SNX29: variants seen among roughly 807,000 people sequenced by gnomAD.
SNX29 encodes sorting nexin 29.
SNX29 carries 78 observed loss-of-function variants against 102.1 expected under a neutral mutation model. That is an observed-to-expected ratio of 0.76 (90% CI 0.64 to 0.92). SNX29 has a LOEUF of 0.92. Among genes scored for constraint, SNX29 ranks in the 40% least tolerant of loss-of-function variants. The pLI, the probability that SNX29 is intolerant of heterozygous loss-of-function variation, is 0.00. For missense variants in SNX29, 1,280 were observed against 1,061.7 expected, an observed-to-expected ratio of 1.21 and a Z score of -2.86; for synonymous variants, 580 against 414.5, an observed-to-expected ratio of 1.40 and a Z score of -4.85.
intron 13 of SNX29, among the ~76,000 whole-genome samples, chr16:12,148,085 G>C (rs1416565769): frequency 6.6e-6 from 1 of 152,168 alleles, no homozygotes; most frequent in African/African-American, 2.4e-5. Flanking sequence ...CTGCTGCTCA[G>C]CTCCAGCCAC....
At chr16:12,146,977 A>T (rs188630163) in intron 13 of SNX29, among the ~76,000 whole-genome samples, 225 of 152,342 alleles carry the variant, frequency 1.5e-3, no homozygotes, top group African/African-American at 4.7e-3. Context: ...GCTTGGTGGC[A>T]TCTCAGAGCA....
At chr16:12,471,539 G>A (rs750769596) in intron 18 of SNX29, among the ~76,000 whole-genome samples, 12 of 152,130 alleles carry the variant, frequency 7.9e-5, no homozygotes, top group Admixed American at 7.2e-4. Context: ...GCTCCCTCCC[G>A]ATGCTGACGT....
chr16:12,077,489 C>T (rs2051637039), intron 10 of SNX29, among the ~76,000 whole-genome samples: 1 of 150,138 alleles, frequency 6.7e-6, no homozygotes. Context: ...CTTTATTTTT[C>T]ATGTTGTAAA....
chr16:12,324,958 T>C (rs747408492), intron 15 of SNX29, among the ~76,000 whole-genome samples: 2 of 152,186 alleles, frequency 1.3e-5, no homozygotes, highest in Non-Finnish European at 2.9e-5. Flanking sequence ...GTGGCTTTAC[T>C]CAGGAGGGTT....
intron 18 of SNX29, among the ~76,000 whole-genome samples, chr16:12,416,434 A>T (rs1222851795): frequency 6.6e-6 from 1 of 152,190 alleles, no homozygotes; most frequent in Non-Finnish European, 1.5e-5. Context: ...TGTTTCCACC[A>T]CAAAGAAATG....
At chr16:12,246,919 C>T (rs1483786208) in intron 14 of SNX29, among the ~76,000 whole-genome samples, 1 of 152,074 alleles carries the variant, frequency 6.6e-6, no homozygotes, top group Non-Finnish European at 1.5e-5. Flanking sequence ...AGGTTTGTCT[C>T]CTTGCCTTGG....
chr16:12,480,151 C>G (rs530668157), intron 19 of SNX29, among the ~76,000 whole-genome samples: 2 of 152,322 alleles, frequency 1.3e-5, no homozygotes, highest in Admixed American at 1.3e-4. Flanking sequence ...TTTCCTCTTA[C>G]TGCTGTCACA....
chr16:12,488,966 A>G (rs1020560327), intron 19 of SNX29, among the ~76,000 whole-genome samples: 3 of 152,160 alleles, frequency 2.0e-5, no homozygotes, highest in East Asian at 1.9e-4. Context: ...GTTGGGCATT[A>G]AACGTTGGCC....
At chr16:12,469,695 G>T (rs968512327) in intron 18 of SNX29, among the ~76,000 whole-genome samples, 2 of 152,198 alleles carry the variant, frequency 1.3e-5, no homozygotes, top group Non-Finnish European at 2.9e-5. Context: ...GTTGCTCCAG[G>T]TTTGTTTTAA....
At chr16:12,522,933 C>A (rs1435139242) in intron 19 of SNX29, among the ~76,000 whole-genome samples, 2 of 152,182 alleles carry the variant, frequency 1.3e-5, no homozygotes. Flanking sequence ...GCTGCAGCCA[C>A]CCATGTAGCT....
chr16:12,305,661 G>C (rs958186773), intron 15 of SNX29, among the ~76,000 whole-genome samples: 9 of 152,102 alleles, frequency 5.9e-5, no homozygotes, highest in African/African-American at 1.2e-4. Context: ...CATGATTACT[G>C]AGCTTTTTGC....
intron 20 of SNX29, among the ~76,000 whole-genome samples, chr16:12,550,974 A>G (rs950393604): frequency 2.6e-5 from 4 of 152,232 alleles, no homozygotes; most frequent in African/African-American, 9.7e-5. Flanking sequence ...TTAGGGCACA[A>G]CAAAAAGCTG....
chr16:12,159,771 C>T (rs1456801324), intron 13 of SNX29, among the ~76,000 whole-genome samples: 1 of 152,092 alleles, frequency 6.6e-6, no homozygotes, highest in Non-Finnish European at 1.5e-5. Flanking sequence ...GAACTCATAC[C>T]TCATGGGTAG....
chr16:12,526,169 G>A (rs946508786), intron 20 of SNX29, among the ~76,000 whole-genome samples: 1 of 152,200 alleles, frequency 6.6e-6, no homozygotes, highest in African/African-American at 2.4e-5. Context: ...GAAATGCTGG[G>A]GTAATATAAG....
chr16:12,343,692 C>T (rs2080495), intron 15 of SNX29, among the ~76,000 whole-genome samples: 3,645 of 151,624 alleles, frequency 0.024, 150 homozygotes, highest in African/African-American at 0.081. Flanking sequence ...TAGATCCCCA[C>T]GAGATAGGGA....
At chr16:12,197,048 G>A (rs2076793545) in intron 13 of SNX29, among the ~76,000 whole-genome samples, 2 of 152,210 alleles carry the variant, frequency 1.3e-5, no homozygotes, top group African/African-American at 4.8e-5. Flanking sequence ...GCTGAGGATC[G>A]GCCCGACGGC....
intron 16 of SNX29, among the ~76,000 whole-genome samples, chr16:12,377,278 A>G (rs2082910045): frequency 6.6e-6 from 1 of 152,212 alleles, no homozygotes; most frequent in East Asian, 1.9e-4. Flanking sequence ...CAGAAAACAC[A>G]TAGATTTCTG....
At chr16:12,506,257 T>C (rs1425943789) in intron 19 of SNX29, among the ~76,000 whole-genome samples, 1 of 152,090 alleles carries the variant, frequency 6.6e-6, no homozygotes, top group Non-Finnish European at 1.5e-5. Context: ...CACCAGCGCC[T>C]GGCTAGTGTG....
chr16:12,309,953 T>C (rs1221650412), intron 15 of SNX29, among the ~76,000 whole-genome samples: 1 of 152,184 alleles, frequency 6.6e-6, no homozygotes, highest in Non-Finnish European at 1.5e-5. Context: ...CTTCTTGAGC[T>C]AAATATGCAG....
Sources: gnomAD v4.1 joint callset for allele counts (sites outside exome capture counted in the v4.1 genomes callset) on GRCh38, gnomAD v4.1.1 for gene constraint, MANE v1.5 for transcripts, NCBI Gene and HGNC (gene_info 2026-07-23, HGNC 2026-07-21) for gene names.